SASH1: variants seen among roughly 807,000 people sequenced by gnomAD.
SASH1 encodes the protein SAM and SH3 domain-containing protein 1.
A neutral mutation model predicts 125.2 loss-of-function variants in SASH1; 44 were observed. The ratio of observed to expected loss-of-function variants is 0.35; its 90% CI spans 0.28 to 0.45. The LOEUF is 0.45. Ranked by LOEUF, SASH1 falls within the 20% of genes least tolerant of loss-of-function variation. The probability of loss-of-function intolerance (pLI) is 1.00; values close to 1 mark genes in which losing one functional copy is unlikely to be tolerated. For synonymous variants in SASH1, 639 were observed against 649.1 expected, an observed-to-expected ratio of 0.98 and a Z score of 0.24; for missense variants, 1,426 against 1,614.5, an observed-to-expected ratio of 0.88 and a Z score of 2.00.
chr6:148,493,943 T>C (rs1779211544), intron 8 of SASH1, among the ~76,000 whole-genome samples: 1 of 152,212 alleles, frequency 6.6e-6, no homozygotes, highest in African/African-American at 2.4e-5. Flanking sequence ...ATTTTTTCCT[T>C]TGCCTCCTGC....
intron 1 of SASH1, among the ~76,000 whole-genome samples, chr6:148,275,739 G>T (rs944748714): frequency 2.0e-5 from 3 of 152,110 alleles, no homozygotes; most frequent in Admixed American, 2.0e-4. Context: ...AATTATTTTG[G>T]GGCGTGTGGT....
At chr6:148,467,304 C>A (rs975148733) in intron 4 of SASH1, among the ~76,000 whole-genome samples, 9 of 152,010 alleles carry the variant, frequency 5.9e-5, no homozygotes, top group African/African-American at 2.2e-4. Context: ...GCCATGTTGT[C>A]CAGTCTGGTC....
At chr6:148,415,850 A>G (rs1784796959) in intron 2 of SASH1, among the ~76,000 whole-genome samples, 1 of 152,236 alleles carries the variant, frequency 6.6e-6, no homozygotes, top group South Asian at 2.1e-4. Context: ...CTACCCACTC[A>G]TTCAGAGGAT....
At chr6:148,302,311 CAAAAAAAAAA>C (rs1174644909) in intron 1 of SASH1, among the ~76,000 whole-genome samples, 4,002 of 44,794 alleles carry the variant, frequency 0.089, 118 homozygotes, top group Middle Eastern at 0.21. Context: ...GACTCCGTCT[CAAAAAAAAAA>C]AAAAAAAAAA....
chr6:148,386,913 T>C (rs1783389642), intron 1 of SASH1, among the ~76,000 whole-genome samples: 1 of 152,086 alleles, frequency 6.6e-6, no homozygotes, highest in Non-Finnish European at 1.5e-5. Flanking sequence ...CTTTGTTTCT[T>C]TGAAGTATCA....
At chr6:148,465,550 A>G (rs79587341) in intron 4 of SASH1, among the ~76,000 whole-genome samples, 4 of 111,542 alleles carry the variant, frequency 3.6e-5, no homozygotes, top group South Asian at 3.2e-4. Context: ...CTCCAGGAGA[A>G]AAAAAAAAAA....
chr6:148,467,674 C>T (rs1376203974), intron 4 of SASH1, among the ~76,000 whole-genome samples: 2 of 152,152 alleles, frequency 1.3e-5, no homozygotes, highest in South Asian at 2.1e-4. Context: ...CAGTGGCTCA[C>T]GCCTGTAATC....
the SASH1 span, among the ~76,000 whole-genome samples, chr6:148,264,355 G>C: frequency 2.0e-5 from 3 of 152,148 alleles, no homozygotes; most frequent in African/African-American, 4.8e-5. Flanking sequence ...AATATGAGCA[G>C]ATTATAACTT....
At position 148,452,712 on chromosome 6, in the gene SASH1, C is replaced by G. The variant is rs1349077419; in HGVS notation, c.386+12305C>G. ...CATTCTGCTGTTCCCTCCCCTCACCCCCTCTGTAATGTGCAGTGCTGCCCC... is the reference window on the plus strand; with the variant it reads ...CATTCTGCTGTTCCCTCCCCTCACCGCCTCTGTAATGTGCAGTGCTGCCCC... On this transcript the variant is annotated intron_variant, in intron 4 of 19. Coordinates refer to ENST00000367467, the MANE Select transcript of SASH1 (RefSeq NM_015278.5). Among the ~76,000 whole-genome samples the G allele has an allele frequency of 7.9e-5, 12 of 152,274 alleles. No individual in the cohort carries two copies. In the East Asian group the frequency reaches 2.1e-3, roughly 27 times the overall value.
At chr6:148,445,512 G>A (rs1333656856) in intron 4 of SASH1, among the ~76,000 whole-genome samples, 1 of 152,196 alleles carries the variant, frequency 6.6e-6, no homozygotes, top group Non-Finnish European at 1.5e-5. Flanking sequence ...GCTACGAGTC[G>A]CAGAAAACCT....
intron 17 of SASH1, among the ~76,000 whole-genome samples, chr6:148,541,819 C>T (rs1173263199): frequency 6.6e-6 from 1 of 152,120 alleles, no homozygotes; most frequent in African/African-American, 2.4e-5. Flanking sequence ...AGAATTTGAG[C>T]CATGATGCCC....
intron 1 of SASH1, among the ~76,000 whole-genome samples, chr6:148,383,745 C>G (rs4897004): frequency 0.68 from 103,610 of 152,050 alleles, 35,791 homozygotes; most frequent in South Asian, 0.83. Context: ...TTTTGTTTTC[C>G]TAGTAGTTTT....
At chr6:148,239,704 C>CT in the SASH1 span, among the ~76,000 whole-genome samples, 20 of 147,054 alleles carry the variant, frequency 1.4e-4, no homozygotes, top group Admixed American at 2.7e-4. Flanking sequence ...TATAGATCGG[C>CT]TTTTTTTTTT....
chr6:148,280,690 C>T (rs1469108956), intron 1 of SASH1, among the ~76,000 whole-genome samples: 2 of 152,094 alleles, frequency 1.3e-5, no homozygotes, highest in Non-Finnish European at 2.9e-5. Context: ...TGCCTATAGT[C>T]CCAGCTACTC....
the SASH1 span, among the ~76,000 whole-genome samples, chr6:148,221,218 G>A: frequency 6.6e-6 from 1 of 151,990 alleles, no homozygotes; most frequent in Non-Finnish European, 1.5e-5. Flanking sequence ...TTATTAACAG[G>A]CCCAATAAAT....
the SASH1 span, among the ~76,000 whole-genome samples, chr6:148,219,428 T>A: frequency 2.6e-5 from 4 of 152,226 alleles, no homozygotes; most frequent in African/African-American, 9.6e-5. Context: ...CAAAGTTCAG[T>A]CTTTATCCTC....
In SASH1 at chr6:148,471,419, A is replaced by G; in HGVS notation, c.430A>G (p.Lys144Glu). 2.2e-6 allele frequency: 3 copies of G among 1,338,108 alleles called. No individual in the cohort carries two copies. The highest frequency in any genetic ancestry group is 2.5e-5 in the East Asian group (1 of 40,680). 82.9% of individuals were successfully genotyped at this position (1,338,108 alleles called of 1,614,324 possible). The change falls in exon 6 of 20, where the codon AAA (lysine) becomes GAA (glutamate). Residue 144 changes from lysine (K) to glutamate (E), a missense_variant and splice_region_variant. By Grantham distance (56) the Lys-to-Glu change is moderately conservative. Transcript: ENST00000367467. ...TTTTTTTTTTTTTTTTTTTTAAGGA[A>G]AAGGAGACTGGAAGAAGAAAAATAA... ...KSNSEDSSVG[K>E]GDWKKKNKYF...
chr6:148,446,740 A>T (rs1339588991), intron 4 of SASH1, among the ~76,000 whole-genome samples: 1 of 152,234 alleles, frequency 6.6e-6, no homozygotes, highest in African/African-American at 2.4e-5. Flanking sequence ...TGAGCTAAGC[A>T]CTTAACATTG....
chr6:148,418,620 C>T (rs571591472), intron 2 of SASH1, among the ~76,000 whole-genome samples: 32 of 152,246 alleles, frequency 2.1e-4, no homozygotes, highest in Admixed American at 2.0e-3. Flanking sequence ...TTTGAATTCA[C>T]GATACAGATA....
Sources: allele counts gnomAD v4.1 joint callset (sites outside exome capture counted in the v4.1 genomes callset), GRCh38; gene constraint gnomAD v4.1.1; transcripts MANE v1.5; gene names NCBI Gene and HGNC (gene_info 2026-07-23, HGNC 2026-07-21).